The following GBP7 variants were observed in gnomAD, a reference collection of about 807,000 sequenced individuals.
GBP7 encodes guanylate binding protein 7.
In GBP7, 43 loss-of-function variants were observed where a neutral mutation model predicts 61.3. The ratio of observed to expected loss-of-function variants is 0.70; its 90% CI spans 0.55 to 0.91. The LOEUF (loss-of-function observed/expected upper bound fraction) is 0.91, where lower values mean the gene tolerates loss of function less well. Among genes scored for constraint, GBP7 ranks in the 40% least tolerant of loss-of-function variants. The pLI, the probability that GBP7 is intolerant of heterozygous loss-of-function variation, is 0.00. For synonymous variants in GBP7, 267 were observed against 271.0 expected (o/e 0.99, Z 0.14); for missense variants, 717 against 740.5 (o/e 0.97, Z 0.37).
chr1:89,175,649 A>C (rs2100665985), intron 1 of GBP7, among the ~76,000 whole-genome samples: 1 of 152,356 alleles, frequency 6.6e-6, no homozygotes, highest in South Asian at 2.1e-4. Context: ...AGATATTTAA[A>C]GATAACAGTA....
chr1:89,158,641 T>C (rs1419545314), intron 3 of GBP7, among the ~76,000 whole-genome samples: 5 of 152,064 alleles, frequency 3.3e-5, no homozygotes, highest in Admixed American at 6.5e-5. Flanking sequence ...TACCTAGGAA[T>C]CCAACTTACA....
chr1:89,133,801 C>A (rs1681733217), intron 9 of GBP7, among the ~76,000 whole-genome samples: 3 of 152,166 alleles, frequency 2.0e-5, no homozygotes, highest in African/African-American at 7.2e-5. Flanking sequence ...GGAGACCCCA[C>A]AACTCCCATA....
rs117314853 is a variant in GBP7, at chr1:89,132,846, A to G, written c.1662+412T>C. 3.8e-4 allele frequency among the ~76,000 whole-genome samples: 58 copies of G among 152,356 alleles called. No individual in the cohort carries two copies. In the East Asian group the frequency reaches 0.01, roughly 27 times the overall value. ...ATGAGTCAGGCAGATACAGAAACAA[A>G]TGGAGCAATTTGAGATCATTCAGTA... On this transcript the variant is annotated intron_variant, in intron 10 of 10. Coordinates refer to ENST00000294671, the MANE Select transcript of GBP7 (RefSeq NM_207398.3).
intron 2 of GBP7, among the ~76,000 whole-genome samples, 159 bp downstream of exon 2, chr1:89,171,587 A>T (rs1344312862): frequency 6.6e-6 from 1 of 151,484 alleles, no homozygotes; most frequent in Non-Finnish European, 1.5e-5. Flanking sequence ...AGTTGACTCC[A>T]ATCCTCCAGA....
At chr1:89,171,476 A>T (rs1647597865) in intron 2 of GBP7, among the ~76,000 whole-genome samples, 2 of 152,000 alleles carry the variant, frequency 1.3e-5, no homozygotes, top group African/African-American at 2.4e-5. Context: ...TCACTACATA[A>T]ATATTTTAGT....
rs768372837 is a variant in GBP7, at chr1:89,149,466, G to A, written c.978C>T (p.Ala326=). 2.0e-5 allele frequency: 32 copies of A among 1,613,936 alleles called. No homozygotes were observed. The highest frequency in any genetic ancestry group is 4.5e-5 in the East Asian group (2 of 44,884). ...AVLAQCENSA[A]VQRAANHYSQ... ...TGTAGTGGTTGGCTGCCCTCTGCAC[G>A]GCTGCTGAGTTCTCACACTGGGCCA... Residue 326 remains alanine (A), a synonymous_variant, in exon 7 of 11, where the codon GCC becomes GCT. Transcript: ENST00000294671.
At chr1:89,154,143 A>G (rs982796574) in intron 3 of GBP7, among the ~76,000 whole-genome samples, 6 of 152,192 alleles carry the variant, frequency 3.9e-5, no homozygotes, top group Admixed American at 3.3e-4. Flanking sequence ...GCATGTATAT[A>G]TTTGTATATT....
At chr1:89,172,371 T>C (rs758561004) in intron 1 of GBP7, among the ~76,000 whole-genome samples, 3 of 152,222 alleles carry the variant, frequency 2.0e-5, no homozygotes, top group Non-Finnish European at 4.4e-5. Flanking sequence ...CATTTAGTCA[T>C]TATGTTTCTG....
At chr1:89,134,046 C>G (rs1681739593) in intron 9 of GBP7, among the ~76,000 whole-genome samples, 2 of 152,200 alleles carry the variant, frequency 1.3e-5, no homozygotes. Flanking sequence ...CTGAGCACCT[C>G]CCAGTCTGCT....
chr1:89,156,271 T>C (rs1427365428), intron 3 of GBP7, among the ~76,000 whole-genome samples: 1 of 152,174 alleles, frequency 6.6e-6, no homozygotes, highest in African/African-American at 2.4e-5. Context: ...AAAGACCATC[T>C]ATGCTAGGAA....
intron 3 of GBP7, 73 bp downstream of exon 3, chr1:89,164,658 G>T: frequency 7.0e-7 from 1 of 1,427,364 alleles, no homozygotes; most frequent in Non-Finnish European, 9.8e-7. Context: ...CAGAGAAGTT[G>T]GATTGATACT....
intron 9 of GBP7, among the ~76,000 whole-genome samples, chr1:89,135,853 A>G (rs1681788607): frequency 6.6e-6 from 1 of 152,178 alleles, no homozygotes; most frequent in Non-Finnish European, 1.5e-5. Flanking sequence ...ACCCCAATTA[A>G]AAGGCACAGA....
chr1:89,152,089 CT>C (rs1682214315), intron 5 of GBP7, among the ~76,000 whole-genome samples, 178 bp downstream of exon 5: 1 of 152,144 alleles, frequency 6.6e-6, no homozygotes. Context: ...ACCTCAGCCT[CT>C]GGGAAATTTC....
intron 5 of GBP7, among the ~76,000 whole-genome samples, chr1:89,151,212 C>T (rs745662889): frequency 1.3e-5 from 2 of 152,136 alleles, no homozygotes; most frequent in Non-Finnish European, 2.9e-5. Context: ...TCATTTCCTC[C>T]CTCACCATGC....
intron 9 of GBP7, among the ~76,000 whole-genome samples, chr1:89,139,836 T>G (rs1249932112): frequency 2.0e-5 from 3 of 152,196 alleles, no homozygotes; most frequent in Admixed American, 6.5e-5. Context: ...ACTTTTACCC[T>G]GTTGGTGGGA....
chr1:89,144,812 C>A (rs1474397150), intron 8 of GBP7, among the ~76,000 whole-genome samples: 1 of 152,066 alleles, frequency 6.6e-6, no homozygotes, highest in Non-Finnish European at 1.5e-5. Flanking sequence ...ACTATAGTCA[C>A]CATGCTATAC....
chr1:89,132,405 T>A lies in GBP7; in HGVS notation c.1663-2A>T. The A allele has an allele frequency of 6.3e-7, 1 of 1,575,004 alleles. No individual in the cohort carries two copies. Among genetic ancestry groups the A allele is most frequent in the Non-Finnish European group, 8.6e-7 (1 of 1,167,314 alleles). On this transcript the variant is annotated splice_acceptor_variant, in intron 10 of 10. Transcript: ENST00000294671. LOFTEE classifies it high-confidence loss of function. ...TTCAGTAAGCAGTTCTTCTAGGACC[T>A]ATAAAAGTAAAAGAGCCTACTTTTG...
intron 1 of GBP7, 79 bp from the exon 2 acceptor site, chr1:89,172,033 G>C (rs2100663422): frequency 1.0e-6 from 1 of 998,024 alleles, no homozygotes; most frequent in Admixed American, 2.3e-5. Flanking sequence ...ATAAATCTTT[G>C]TTTTCTATTC....
intron 9 of GBP7, among the ~76,000 whole-genome samples, chr1:89,136,136 A>G (rs1681795174): frequency 1.3e-5 from 2 of 152,218 alleles, no homozygotes; most frequent in African/African-American, 2.4e-5. Context: ...GTATGCACCC[A>G]ATACTAGAGG....
Sources: allele counts gnomAD v4.1 joint callset (sites outside exome capture counted in the v4.1 genomes callset), GRCh38; gene constraint gnomAD v4.1.1; transcripts MANE v1.5; gene names NCBI Gene and HGNC (gene_info 2026-07-23, HGNC 2026-07-21).